TENM3: variants seen among roughly 807,000 people sequenced by gnomAD.
TENM3 encodes teneurin-3.
Under a neutral mutation model 255.1 loss-of-function variants are expected in TENM3, and 63 were observed. The observed-to-expected ratio is 0.25, with a 90% CI of 0.20 to 0.30. The LOEUF is 0.30. Ranked by LOEUF, TENM3 falls within the 10% of genes least tolerant of loss-of-function variation. TENM3 has a pLI of 1.00. For missense variants in TENM3, 2,929 were observed against 3,461.1 expected (o/e 0.85, Z 3.86); for synonymous variants, 1,306 against 1,322.3 (o/e 0.99, Z 0.27).
intron 1 of TENM3, among the ~76,000 whole-genome samples, chr4:182,316,769 T>C (rs1334187037): frequency 6.6e-6 from 1 of 152,160 alleles, no homozygotes. Flanking sequence ...CTCAGAATTC[T>C]TTCTCCAAGT....
At position 182,273,660 on chromosome 4, in the gene TENM3, A is replaced by G. The variant is rs114704021; in HGVS notation, c.-76+30184A>G. Among the ~76,000 whole-genome samples the G allele has an allele frequency of 7.9e-3, 1,208 of 152,324 alleles. 12 individuals are homozygous for G. The highest frequency in any genetic ancestry group is 0.027 in the African/African-American group (1,117 of 41,568). ...CATTCTGTTAGAAGGCAGGTGCAAA[A>G]CAATTAAAGAAAAATCAGGACAAAA... is the stretch of plus-strand genomic sequence containing the variant. On this transcript the variant is annotated intron_variant, in intron 1 of 27. Transcript: ENST00000511685.
At chr4:182,253,301 ATC>A (rs1758154508) in intron 1 of TENM3, among the ~76,000 whole-genome samples, 1 of 152,116 alleles carries the variant, frequency 6.6e-6, no homozygotes, top group African/African-American at 2.4e-5. Flanking sequence ...GTGAAACCAT[ATC>A]TCTACTAAAA....
intron 3 of TENM3, among the ~76,000 whole-genome samples, chr4:182,381,390 C>T (rs552906448): frequency 4.9e-4 from 75 of 152,078 alleles, no homozygotes; most frequent in South Asian, 4.8e-3. Context: ...GGTTTCGATA[C>T]TGGGATGAAG....
chr4:181,459,353 A>G, the TENM3 span, among the ~76,000 whole-genome samples: 4 of 151,900 alleles, frequency 2.6e-5, no homozygotes, highest in Non-Finnish European at 5.9e-5. Flanking sequence ...CACAAGTTCT[A>G]AAACTGATTA....
At chr4:181,870,028 T>G in the TENM3 span, among the ~76,000 whole-genome samples, 2 of 152,156 alleles carry the variant, frequency 1.3e-5, no homozygotes, top group Non-Finnish European at 2.9e-5. Flanking sequence ...CTGTCTACCA[T>G]GAAGGTTGGT....
chr4:182,224,037 G>A (rs1755999325), intron 1 of TENM3, among the ~76,000 whole-genome samples: 1 of 152,058 alleles, frequency 6.6e-6, no homozygotes. Context: ...AAATGATTAT[G>A]GTGTGGCTTA....
At chr4:182,316,572 C>G (rs1019973064) in intron 1 of TENM3, among the ~76,000 whole-genome samples, 10 of 152,108 alleles carry the variant, frequency 6.6e-5, no homozygotes, top group African/African-American at 2.4e-4. Flanking sequence ...TGCCCAACAT[C>G]CTACTACAAA....
At chr4:182,484,594 T>C (rs1463724047) in intron 3 of TENM3, among the ~76,000 whole-genome samples, 1 of 152,200 alleles carries the variant, frequency 6.6e-6, no homozygotes, top group Non-Finnish European at 1.5e-5. Flanking sequence ...TGAGAATTGT[T>C]TGTTAAAATT....
intron 4 of TENM3, among the ~76,000 whole-genome samples, chr4:182,615,099 C>T (rs1464826231): frequency 2.2e-5 from 3 of 136,484 alleles, no homozygotes; most frequent in Non-Finnish European, 3.1e-5. Context: ...ATAGCAGATA[C>T]GTAAAGTGAA....
chr4:181,616,127 G>A, the TENM3 span, among the ~76,000 whole-genome samples: 2 of 151,738 alleles, frequency 1.3e-5, no homozygotes, highest in African/African-American at 4.8e-5. Context: ...TTTCCAACTT[G>A]GTTTAATCCT....
chr4:182,469,591 G>GT (rs1182369722), intron 3 of TENM3, among the ~76,000 whole-genome samples: 7 of 152,040 alleles, frequency 4.6e-5, no homozygotes, highest in African/African-American at 1.7e-4. Context: ...GCGCTCACCT[G>GT]TAGTCCCAGG....
chr4:182,143,140 C>A (rs988798078), upstream of TENM3: 2 of 167,250 alleles, frequency 1.2e-5, no homozygotes, highest in African/African-American at 4.8e-5. The surrounding 1 kb of genome is among the most constrained non-coding windows in gnomAD (Gnocchi z 4.3). Flanking sequence ...GGCCGCTAAT[C>A]TGAGGGGAGA....
chr4:181,772,117 C>T, the TENM3 span, among the ~76,000 whole-genome samples: 1 of 152,250 alleles, frequency 6.6e-6, no homozygotes, highest in East Asian at 1.9e-4. Flanking sequence ...TGGTGGCTCA[C>T]GCCTGTAATC....
At chr4:182,721,985 TA>T (rs1759773269) in intron 13 of TENM3, among the ~76,000 whole-genome samples, 1 of 152,186 alleles carries the variant, frequency 6.6e-6, no homozygotes, top group African/African-American at 2.4e-5. Flanking sequence ...GCAAATATTT[TA>T]TCCCAGGTGT....
intron 1 of TENM3, among the ~76,000 whole-genome samples, chr4:182,204,402 G>GT (rs1168334804): frequency 1.3e-5 from 2 of 152,128 alleles, no homozygotes; most frequent in Non-Finnish European, 2.9e-5. Flanking sequence ...ATAATAGGTT[G>GT]TTTTTTTGGT....
In TENM3 at chr4:182,680,277, C is replaced by T. The variant is rs747720897; in HGVS notation, c.1567C>T (p.His523Tyr). ...ESVVECPRNCHGNGECVSGTC... is the reference protein window; with the variant it reads ...ESVVECPRNCYGNGECVSGTC... The stretch of plus-strand genomic sequence containing the variant: ...TGTGGTGGAATGTCCCCGAAATTGC[C>T]ATGGAAATGGAGAATGCGTTTCTGG... The change falls in exon 9 of 28, where the codon CAT (histidine) becomes TAT (tyrosine). Residue 523 changes from histidine to tyrosine, a missense_variant. By Grantham distance (83) the His-to-Tyr change is moderately conservative. Around this residue, in one of 6 missense-constraint regions of TENM3, gnomAD observed 1,608 missense variants for 1,884.4 expected, o/e 0.85. Coordinates refer to ENST00000511685, the MANE Select transcript of TENM3 (RefSeq NM_001080477.4). 3.7e-6 allele frequency: 6 copies of T among 1,613,684 alleles called. No individual in the cohort carries two copies. The highest frequency in any genetic ancestry group is 5.1e-6 in the Non-Finnish European group (6 of 1,179,766).
intron 1 of TENM3, among the ~76,000 whole-genome samples, chr4:182,249,621 C>T (rs1757863066): frequency 6.6e-6 from 1 of 152,086 alleles, no homozygotes; most frequent in Non-Finnish European, 1.5e-5. Context: ...GGGAAATGTA[C>T]GTCCCCCCAC....
At chr4:182,087,224 T>G in the TENM3 span, among the ~76,000 whole-genome samples, 1 of 152,180 alleles carries the variant, frequency 6.6e-6, no homozygotes, top group African/African-American at 2.4e-5. Context: ...AGTAAACACT[T>G]ACTAATTAAA....
chr4:182,786,148 G>T (rs979625115), intron 24 of TENM3, among the ~76,000 whole-genome samples: 1 of 152,138 alleles, frequency 6.6e-6, no homozygotes, highest in Non-Finnish European at 1.5e-5. Flanking sequence ...CTGTCCAGAT[G>T]CTGGGTCTCA....
Sources: gnomAD v4.1 joint callset for allele counts (sites outside exome capture counted in the v4.1 genomes callset) on GRCh38, gnomAD v4.1.1 for gene constraint, gnomAD v4.1.1 regional missense constraint, Gnocchi (gnomAD v3.1) non-coding constraint, MANE v1.5 for transcripts, NCBI Gene and HGNC (gene_info 2026-07-23, HGNC 2026-07-21) for gene names.